Variants in ATL2 observed in about 807,000 individuals in gnomAD.
The protein encoded by ATL2 is atlastin GTPase 2, also known as atlastin-2.
A neutral mutation model predicts 73.9 loss-of-function variants in ATL2; 31 were observed. That is an observed-to-expected ratio of 0.42 (90% CI 0.32 to 0.57). The LOEUF (loss-of-function observed/expected upper bound fraction) is 0.57, where lower values mean the gene tolerates loss of function less well. Among genes scored for constraint, ATL2 ranks in the 20% least tolerant of loss-of-function variants. The probability of loss-of-function intolerance (pLI) is 0.14; values close to 1 mark genes in which losing one functional copy is unlikely to be tolerated. For missense variants in ATL2, 738 were observed against 702.6 expected (o/e 1.05, Z -0.57); for synonymous variants, 291 against 237.5 (o/e 1.23, Z -2.07).
At chr2:38,302,845 G>A (rs1313442672) in intron 9 of ATL2, among the ~76,000 whole-genome samples, 4 of 152,148 alleles carry the variant, frequency 2.6e-5, no homozygotes, top group Non-Finnish European at 4.4e-5. Context: ...GCCTTCCCAA[G>A]GATGACAGGT....
chr2:38,345,664 T>C (rs961579212), intron 1 of ATL2, among the ~76,000 whole-genome samples: 2 of 152,200 alleles, frequency 1.3e-5, no homozygotes, highest in Non-Finnish European at 2.9e-5. Flanking sequence ...AAAAGTGAAC[T>C]TTCCAGGAAA....
intron 9 of ATL2, among the ~76,000 whole-genome samples, chr2:38,305,478 G>A (rs1024792567): frequency 6.6e-6 from 1 of 152,148 alleles, no homozygotes; most frequent in Non-Finnish European, 1.5e-5. Flanking sequence ...GAACCTGGGA[G>A]GTAGAGGTTG....
chr2:38,339,746 G>T (rs556283771), intron 2 of ATL2, among the ~76,000 whole-genome samples: 30 of 152,070 alleles, frequency 2.0e-4, no homozygotes, highest in African/African-American at 6.7e-4. Flanking sequence ...GTTAGAGTAT[G>T]ATGGCACAAT....
chr2:38,342,586 A>G (rs934541601), intron 2 of ATL2, among the ~76,000 whole-genome samples: 6 of 152,230 alleles, frequency 3.9e-5, no homozygotes, highest in Non-Finnish European at 8.8e-5. Flanking sequence ...CTTTATCTCC[A>G]AAGGTAATAG....
chr2:38,359,342 C>A (rs758448407), intron 1 of ATL2, among the ~76,000 whole-genome samples: 1 of 152,106 alleles, frequency 6.6e-6, no homozygotes, highest in Non-Finnish European at 1.5e-5. Context: ...TGGTGCCACA[C>A]GCCTGTAATC....
chr2:38,368,670 T>A (rs1671492466), intron 1 of ATL2, among the ~76,000 whole-genome samples: 1 of 151,930 alleles, frequency 6.6e-6, no homozygotes, highest in Admixed American at 6.6e-5. Flanking sequence ...CACACACAAT[T>A]CTCACCAAAA....
In ATL2 at chr2:38,296,072, T is replaced by C; in HGVS notation, c.1674A>G (p.Ile558Met). The C allele has an allele frequency of 1.9e-6, 3 of 1,551,604 alleles. No homozygotes were observed. Among genetic ancestry groups the C allele is most frequent in the South Asian group, 2.4e-5 (2 of 84,048 alleles). ...PLGDNLMEEN[I>M]RQSVTNSIKA... ...TGATAGAGTTTGTTACAGACTGCCT[T>C]ATGTTTTCCTCCATCAAATTATCAC... is the stretch of plus-strand genomic sequence containing the variant. The change falls in exon 13 of 13, where the codon ATA (isoleucine) becomes ATG (methionine). Residue 558 changes from isoleucine to methionine, a missense_variant. By Grantham distance (10) the Ile-to-Met change is conservative. Transcript: ENST00000378954.
chr2:38,364,815 C>T (rs1054662857), intron 1 of ATL2, among the ~76,000 whole-genome samples: 1 of 152,042 alleles, frequency 6.6e-6, no homozygotes, highest in Non-Finnish European at 1.5e-5. Flanking sequence ...GAGGCTGAGG[C>T]GGGTGGATCA....
chr2:38,357,928 A>G lies in ATL2; in HGVS notation c.119-14416T>C, dbSNP rs546557261. Among the ~76,000 whole-genome samples, 4 of 152,248 alleles carry G rather than the reference A, an allele frequency of 2.6e-5. No homozygotes were observed. The East Asian group carries it at 7.7e-4, about 29-fold the overall frequency. The stretch of plus-strand genomic sequence containing the variant: ...AATAAGAAAAACATACAATTAAACC[A>G]CTGTTTGGGGGGAAATCAAGGCCAG... On this transcript the variant is annotated intron_variant, in intron 1 of 12. Transcript: ENST00000378954.
intron 1 of ATL2, among the ~76,000 whole-genome samples, chr2:38,361,771 A>C (rs1671029314): frequency 6.6e-6 from 1 of 152,214 alleles, no homozygotes; most frequent in African/African-American, 2.4e-5. Flanking sequence ...AGGCAAGAAA[A>C]CTTACCTTTA....
chr2:38,377,200 G>C lies in ATL2; in HGVS notation c.61C>G (p.Arg21Gly). ...QQPHQGLWRRRRTSDPSAAVN... is the reference protein window; with the variant it reads ...QQPHQGLWRRGRTSDPSAAVN... ...GCGGCGCTTGGGTCGCTGGTCCGTC[G>C]CCGGCGCCACAGCCCCTGGTGCGGT... Residue 21 changes from arginine to glycine, a missense_variant, in exon 1 of 13, where the codon CGA (arginine) becomes GGA (glycine). Arg to Gly is a moderately radical substitution (Grantham distance 125, BLOSUM62 -2). Coordinates refer to ENST00000378954, the MANE Select transcript of ATL2 (RefSeq NM_001135673.4). 6.2e-7 allele frequency: 1 copy of C among 1,609,780 alleles called. No homozygotes were observed. Among genetic ancestry groups the C allele is most frequent in the Non-Finnish European group, 8.5e-7 (1 of 1,178,914 alleles).
At chr2:38,363,131 T>G (rs1381114978) in intron 1 of ATL2, among the ~76,000 whole-genome samples, 1 of 152,206 alleles carries the variant, frequency 6.6e-6, no homozygotes, top group African/African-American at 2.4e-5. Flanking sequence ...AGGAGTACAC[T>G]GAAGCTCAGA....
chr2:38,371,691 A>T (rs1671698565), intron 1 of ATL2, among the ~76,000 whole-genome samples: 2 of 152,074 alleles, frequency 1.3e-5, no homozygotes, highest in African/African-American at 2.4e-5. Flanking sequence ...TGAGGTCAGG[A>T]GTTCGAGACC....
chr2:38,350,279 T>C (rs891523940), intron 1 of ATL2, among the ~76,000 whole-genome samples: 4 of 152,206 alleles, frequency 2.6e-5, no homozygotes, highest in Non-Finnish European at 5.9e-5. Flanking sequence ...AGCCCCCAGA[T>C]GGGTCTTTCA....
intron 8 of ATL2, 129 bp from the exon 9 acceptor site, chr2:38,309,635 T>TA (rs1376734825): frequency 1.2e-4 from 112 of 954,476 alleles, no homozygotes; most frequent in South Asian, 2.9e-4. Context: ...ATTCATTTTT[T>TA]AAAAAAAAGC....
At chr2:38,353,021 A>G (rs1454707313) in intron 1 of ATL2, among the ~76,000 whole-genome samples, 1 of 152,224 alleles carries the variant, frequency 6.6e-6, no homozygotes, top group Non-Finnish European at 1.5e-5. Flanking sequence ...TCTACAATGC[A>G]TAACATTTAA....
At chr2:38,370,167 AAAAAG>A (rs1281900739) in intron 1 of ATL2, among the ~76,000 whole-genome samples, 20 of 143,322 alleles carry the variant, frequency 1.4e-4, no homozygotes, top group African/African-American at 4.3e-4. Context: ...AAAAAAAAAA[AAAAAG>A]AAAGAAAATC....
chr2:38,329,012 A>G (rs1430926601), intron 2 of ATL2, among the ~76,000 whole-genome samples: 1 of 151,914 alleles, frequency 6.6e-6, no homozygotes, highest in Non-Finnish European at 1.5e-5. Context: ...TTAAAAAAAT[A>G]AAAGAATACT....
At chr2:38,362,211 C>G (rs1367275289) in intron 1 of ATL2, among the ~76,000 whole-genome samples, 1 of 152,200 alleles carries the variant, frequency 6.6e-6, no homozygotes, top group East Asian at 1.9e-4. Context: ...TTTGAGATTT[C>G]TAGCTCCCTA....
Sources: allele counts gnomAD v4.1 joint callset (sites outside exome capture counted in the v4.1 genomes callset), GRCh38; gene constraint gnomAD v4.1.1; transcripts MANE v1.5; gene names NCBI Gene and HGNC (gene_info 2026-07-23, HGNC 2026-07-21).